NF1: variants seen among roughly 807,000 people sequenced by gnomAD.
The protein encoded by NF1 is neurofibromin.
NF1 carries 122 observed loss-of-function variants against 325.7 expected under a neutral mutation model. The ratio of observed to expected loss-of-function variants is 0.37; its 90% CI spans 0.32 to 0.44. NF1 has a LOEUF of 0.44. Among genes scored for constraint, NF1 ranks in the 20% least tolerant of loss-of-function variants. NF1 has a pLI of 1.00. For synonymous variants in NF1, 1,091 were observed against 1,186.0 expected, an observed-to-expected ratio of 0.92 and a Z score of 1.65; for missense variants, 2,140 against 3,415.4, an observed-to-expected ratio of 0.63 and a Z score of 9.31.
intron 51 of NF1, among the ~76,000 whole-genome samples, chr17:31,353,560 G>A (rs2070204974): frequency 6.6e-6 from 1 of 152,180 alleles, no homozygotes; most frequent in African/African-American, 2.4e-5. Context: ...GGGGGTAGCA[G>A]TAAGCCAAGA....
chr17:31,358,838 C>A, intron 55 of NF1, 131 bp from the exon 56 acceptor site: 1 of 1,061,632 alleles, frequency 9.4e-7, no homozygotes, highest in Non-Finnish European at 1.4e-6. Flanking sequence ...GTTGCTTTGA[C>A]ACTCATTCTA....
intron 36 of NF1, among the ~76,000 whole-genome samples, chr17:31,293,704 C>T (rs1291713159): frequency 6.7e-6 from 1 of 149,950 alleles, no homozygotes; most frequent in African/African-American, 2.5e-5. Context: ...TATCTTTTCC[C>T]ACCTCTAGAA....
intron 1 of NF1, chr17:31,137,183 C>CT (rs1597603962): frequency 6.6e-6 from 1 of 152,184 alleles, no homozygotes; most frequent in East Asian, 1.9e-4. Context: ...CTCTATTCTG[C>CT]TTTGAGTTTT....
At chr17:31,310,926 G>A (rs1396751008) in intron 36 of NF1, among the ~76,000 whole-genome samples, 1 of 149,934 alleles carries the variant, frequency 6.7e-6, no homozygotes, top group Non-Finnish European at 1.5e-5. Flanking sequence ...GAGTCCCCGT[G>A]TATAAGACAT....
At chr17:31,256,345 G>T (rs1370931789) in intron 31 of NF1, among the ~76,000 whole-genome samples, 1 of 152,116 alleles carries the variant, frequency 6.6e-6, no homozygotes, top group Non-Finnish European at 1.5e-5. Flanking sequence ...TGCCATGTTG[G>T]CCAGGCTGGT....
chr17:31,329,603 A>G (rs966926926), intron 38 of NF1, among the ~76,000 whole-genome samples: 3 of 152,242 alleles, frequency 2.0e-5, no homozygotes, highest in African/African-American at 7.2e-5. Context: ...AATTGCTTAA[A>G]TATATTTTCA....
chr17:31,337,788 C>CAATATGTACATA (rs761597366), intron 43 of NF1, 31 bp from the exon 44 acceptor site: 3 of 1,602,644 alleles, frequency 1.9e-6, no homozygotes, highest in Non-Finnish European at 2.6e-6. Flanking sequence ...CATTTATGTA[C>CAATATGTACATA]AATATGTATT....
intron 32 of NF1, 140 bp downstream of exon 32, chr17:31,258,642 A>G (rs2067627586): frequency 1.1e-6 from 1 of 929,152 alleles, no homozygotes; most frequent in South Asian, 1.6e-5. Flanking sequence ...ATTTGTTTAT[A>G]TTACAAAGGA....
intron 4 of NF1, among the ~76,000 whole-genome samples, chr17:31,165,586 C>T (rs1418719642): frequency 1.3e-5 from 2 of 152,124 alleles, no homozygotes; most frequent in Non-Finnish European, 2.9e-5. Flanking sequence ...GAAGATGTTT[C>T]GTGTTTGTCC....
intron 1 of NF1, among the ~76,000 whole-genome samples, chr17:31,132,976 T>C (rs1915503487): frequency 1.3e-5 from 2 of 152,220 alleles, no homozygotes; most frequent in Admixed American, 6.5e-5. Flanking sequence ...CTTAATCTTA[T>C]GTTTAAATGT....
At chr17:31,132,031 A>G (rs1054403770) in intron 1 of NF1, among the ~76,000 whole-genome samples, 4 of 152,084 alleles carry the variant, frequency 2.6e-5, no homozygotes, top group African/African-American at 9.7e-5. Context: ...CCTGGGCTCA[A>G]GCAGTCCTCC....
At chr17:31,373,886 GCA>G in intron 57 of NF1, 125 bp from the exon 58 acceptor site, 2 of 1,170,868 alleles carry the variant, frequency 1.7e-6, no homozygotes, top group Non-Finnish European at 2.5e-6. Flanking sequence ...CACAATATTT[GCA>G]CAGACAAAAT....
chr17:31,212,577 G>C (rs1217822118), intron 12 of NF1, among the ~76,000 whole-genome samples: 1 of 152,142 alleles, frequency 6.6e-6, no homozygotes, highest in Non-Finnish European at 1.5e-5. Flanking sequence ...GGGCGTGGTG[G>C]TGCATGCCTG....
intron 36 of NF1, among the ~76,000 whole-genome samples, chr17:31,306,748 A>G (rs751333755): frequency 6.6e-6 from 1 of 151,080 alleles, no homozygotes; most frequent in Non-Finnish European, 1.5e-5. Context: ...TCATTCATCT[A>G]TTGGTAAATG....
At chr17:31,243,693 T>A (rs2067343323) in intron 29 of NF1, among the ~76,000 whole-genome samples, 1 of 150,872 alleles carries the variant, frequency 6.6e-6, no homozygotes, top group South Asian at 2.1e-4. Context: ...CAGTTCTGAG[T>A]CTCTCCCTTA....
chr17:31,275,865 T>A (rs2067997664), intron 36 of NF1, among the ~76,000 whole-genome samples: 1 of 152,194 alleles, frequency 6.6e-6, no homozygotes, highest in South Asian at 2.1e-4. Flanking sequence ...TTATTCCTTC[T>A]ATTCCCTCTA....
At position 31,263,035 on chromosome 17, in the gene NF1, A is replaced by ATAGG. The variant is rs71142037; in HGVS notation, c.4724+1210_4724+1213dup. 5.9e-3 allele frequency among the ~76,000 whole-genome samples: 220 copies of ATAGG among 37,546 alleles called. 2 individuals carry two copies. Among genetic ancestry groups the ATAGG allele is most frequent in the South Asian group, 0.016 (15 of 928 alleles). The allele number at this position is 37,546 out of a possible 152,430, so 24.6% of individuals were successfully genotyped here. A position where few individuals can be genotyped will look rare whatever the true frequency, so the allele number is the denominator to read the frequency against. On this transcript the variant is annotated intron_variant, in intron 35 of 57. Transcript: ENST00000358273. ...TTGTCTTTATTAGATAGATAGATAG[A>ATAGG]TAGGTAGGTAGGTAGGTAGGTAGGT...
At chr17:31,267,848 A>C (rs1162891904) in intron 36 of NF1, among the ~76,000 whole-genome samples, 1 of 152,022 alleles carries the variant, frequency 6.6e-6, no homozygotes, top group Non-Finnish European at 1.5e-5. Context: ...TAGAGACCCT[A>C]ATCATTTTAA....
rs148428837 is a variant in NF1, at chr17:31,113,384, T to A, written c.60+18015T>A. 2.2e-3 allele frequency among the ~76,000 whole-genome samples: 338 copies of A among 152,252 alleles called. 1 individual carries two copies. Among genetic ancestry groups the A allele is most frequent in the African/African-American group, 6.8e-3 (282 of 41,548 alleles). On this transcript the variant is annotated intron_variant, in intron 1 of 57. Transcript: ENST00000358273. Reference sequence around the variant, plus strand: ...AGTGATTCTCCCAAGAAGCTAGGACTACAGGTACATGCCACCACGCTCGGC... The same window carrying A: ...AGTGATTCTCCCAAGAAGCTAGGACAACAGGTACATGCCACCACGCTCGGC...
Sources: gnomAD v4.1 joint callset for allele counts (sites outside exome capture counted in the v4.1 genomes callset) on GRCh38, gnomAD v4.1.1 for gene constraint, MANE v1.5 for transcripts, NCBI Gene and HGNC (gene_info 2026-07-23, HGNC 2026-07-21) for gene names.